TRPM5: variants seen among roughly 807,000 people sequenced by gnomAD.
TRPM5 encodes transient receptor potential cation channel subfamily M member 5.
TRPM5 carries 121 observed loss-of-function variants against 124.9 expected under a neutral mutation model. That is an observed-to-expected ratio of 0.97 (90% CI 0.84 to 1.13). TRPM5 has a LOEUF of 1.13. Ranked by LOEUF, TRPM5 falls within the 50% of genes most tolerant of loss-of-function variation. The pLI is 0.00. For missense variants in TRPM5, 1,643 were observed against 1,589.1 expected (o/e 1.03, Z -0.58); for synonymous variants, 781 against 700.5 (o/e 1.11, Z -1.81).
exon 6 of TRPM5, chr11:2,418,209 G>T (rs752349304): frequency 1.3e-6 from 2 of 1,584,626 alleles, no homozygotes; most frequent in East Asian, 2.3e-5. Flanking sequence ...AGAAATGCTT[G>T]CTGGGGAACT....
At chr11:2,417,032 T>A (rs1845697407) in intron 7 of TRPM5, among the ~76,000 whole-genome samples, 1 of 152,012 alleles carries the variant, frequency 6.6e-6, no homozygotes, top group African/African-American at 2.4e-5. Context: ...AGGAAGCAGA[T>A]CGATGGTTCC....
intron 23 of TRPM5, 49 bp downstream of exon 28, chr11:2,405,478 A>G (rs1255536950): frequency 6.6e-7 from 1 of 1,515,788 alleles, no homozygotes; most frequent in East Asian, 2.5e-5. Context: ...GCCGCTGCAG[A>G]GTGGGTGCCC....
chr11:2,417,899 A>G, intron 6 of TRPM5, 70 bp from the exon 12 acceptor site: 1 of 1,406,718 alleles, frequency 7.1e-7, no homozygotes, highest in Non-Finnish European at 9.8e-7. Flanking sequence ...GCCGTGGTAG[A>G]CACCAGCGTA....
chr11:2,439,816 C>A, the TRPM5 span, among the ~76,000 whole-genome samples: 1 of 152,176 alleles, frequency 6.6e-6, no homozygotes, highest in Non-Finnish European at 1.5e-5. Flanking sequence ...CCCAGCAATT[C>A]CATTAATTCC....
Position 2,412,160 on chromosome 11 carries a change from G to GTGTGACATGGT in TRPM5, c.2448_2449insACCATGTCACA (p.Leu817ThrfsTer37). 1.2e-6 allele frequency: 2 copies of GTGTGACATGGT among 1,613,536 alleles called. No homozygotes were observed. The highest frequency in any genetic ancestry group is 1.1e-5 in the South Asian group (1 of 91,092). On this transcript the variant is annotated frameshift_variant, in exon 16 of 24. Coordinates refer to ENST00000155858, the Ensembl canonical transcript of TRPM5. LOFTEE classifies it high-confidence loss of function. ...CTGCAGGTGACACCCACGATGAACAGGAAGATGGCCACCATGTCACACTTG... is the reference window on the plus strand; with the variant it reads ...CTGCAGGTGACACCCACGATGAACAGTGTGACATGGTGAAGATGGCCACCATGTCACACTTG...
intron 1 of TRPM5, 53 bp from the exon 7 acceptor site, chr11:2,422,374 G>A: frequency 6.6e-7 from 1 of 1,504,648 alleles, no homozygotes; most frequent in Non-Finnish European, 9.0e-7. Context: ...CATGGGAGCT[G>A]CTGGGCATTG....
At chr11:2,423,835 G>A (rs865797262), upstream of TRPM5, among the ~76,000 whole-genome samples, 8 of 152,138 alleles carry the variant, frequency 5.3e-5, no homozygotes, top group African/African-American at 9.7e-5. Context: ...GCCCCTCAGC[G>A]CCCTGGCTCC....
intron 17 of TRPM5, 38 bp from the exon 23 acceptor site, chr11:2,411,564 C>G: frequency 6.2e-7 from 1 of 1,607,696 alleles, no homozygotes; most frequent in South Asian, 1.1e-5. Flanking sequence ...ACGTCAGCGG[C>G]CAGCCGGGTG....
the TRPM5 span, among the ~76,000 whole-genome samples, chr11:2,441,086 G>A: frequency 6.6e-6 from 1 of 152,204 alleles, no homozygotes; most frequent in African/African-American, 2.4e-5. This position sits in a 1 kb window ranked among gnomAD's most constrained non-coding sequence, Gnocchi z 7.2. Flanking sequence ...GAGGCTCTGG[G>A]ACAGCCTGAG....
chr11:2,421,459 G>T (rs1052612325), intron 2 of TRPM5, among the ~76,000 whole-genome samples: 1 of 152,158 alleles, frequency 6.6e-6, no homozygotes, highest in Non-Finnish European at 1.5e-5. Context: ...CACAAACTGG[G>T]GTCCAGTCCC....
At chr11:2,441,472 G>A in the TRPM5 span, among the ~76,000 whole-genome samples, 3 of 150,998 alleles carry the variant, frequency 2.0e-5, no homozygotes, top group East Asian at 2.0e-4. The surrounding 1 kb of genome is among the most constrained non-coding windows in gnomAD (Gnocchi z 7.2). Flanking sequence ...CCTCACCTGC[G>A]CACCTGGCCT....
chr11:2,407,905 A>C (rs1444264874), exon 19 of TRPM5: 9 of 1,613,310 alleles, frequency 5.6e-6, no homozygotes, highest in African/African-American at 1.3e-5. Flanking sequence ...AGCAGTTCAC[A>C]CGGGCTTCTG....
At chr11:2,411,100 C>T (rs1170626844) in intron 18 of TRPM5, among the ~76,000 whole-genome samples, 1 of 152,146 alleles carries the variant, frequency 6.6e-6, no homozygotes. Context: ...CCTTGTGTCT[C>T]CTTCCCAGCC....
chr11:2,437,251 C>T, the TRPM5 span, among the ~76,000 whole-genome samples: 2 of 152,332 alleles, frequency 1.3e-5, no homozygotes, highest in Admixed American at 6.5e-5. This position sits in a 1 kb window ranked among gnomAD's most constrained non-coding sequence, Gnocchi z 5.6. Context: ...CCCAGCTTGT[C>T]GTCTTGGAAG....
chr11:2,422,190 C>T lies in TRPM5; in HGVS notation c.249G>A (p.Trp83Ter). 6.2e-7 allele frequency: 1 copy of T among 1,612,234 alleles called. No homozygotes were observed. Among genetic ancestry groups the T allele is most frequent in the Non-Finnish European group, 8.5e-7 (1 of 1,179,650 alleles). The change falls in exon 2 of 24, where the codon TGG becomes TGA. Residue 83 changes from tryptophan (W) to a stop codon, truncating the protein, a stop_gained. Coordinates refer to ENST00000155858, the Ensembl canonical transcript of TRPM5. LOFTEE classifies it high-confidence loss of function. ...GCCCCTTGCGCAGCACATCCCGCAG[C>T]CAGGACTTCATGGCGAAAGGCTGCT...
At chr11:2,415,564 G>T in intron 8 of TRPM5, 93 bp from the exon 14 acceptor site, 1 of 895,154 alleles carries the variant, frequency 1.1e-6, no homozygotes, top group Non-Finnish European at 1.7e-6. Context: ...CAGGGAGCAT[G>T]GGGATCCATC....
At chr11:2,412,151 C>T (rs780650279) in exon 16 of TRPM5, 7 of 1,613,390 alleles carry the variant, frequency 4.3e-6, no homozygotes, top group East Asian at 4.5e-5. Context: ...GTGACACCCA[C>T]GATGAACAGG....
In TRPM5 at chr11:2,421,990, G is replaced by A. The variant is rs1057428310; in HGVS notation, c.298+151C>T. On this transcript the variant is annotated intron_variant, in intron 2 of 23. Coordinates refer to ENST00000155858, the Ensembl canonical transcript of TRPM5. ...AGGGGGTCTGGCTGCCGTGTGGGGT[G>A]GGAGCATTGCCTGTGCCGGGTGGGG... The A allele has an allele frequency of 9.7e-6, 7 of 719,710 alleles. No homozygotes were observed. The Admixed American group carries it at 1.2e-4, about 13-fold the overall frequency. The allele number at this position is 719,710 out of a possible 1,614,324, so 44.6% of individuals were successfully genotyped here. A position where few individuals can be genotyped will look rare whatever the true frequency, so the allele number is the denominator to read the frequency against.
chr11:2,415,141 G>A lies in TRPM5; in HGVS notation c.1459C>T (p.Pro487Ser), dbSNP rs1267156549. ...CTCACCGCCCTCCTGCGGTCCCCTGGCCGGCCGTCCTGGTAGAAGCCTCGG... is the reference window on the plus strand; with the variant it reads ...CTCACCGCCCTCCTGCGGTCCCCTGACCGGCCGTCCTGGTAGAAGCCTCGG... The change falls in exon 9 of 24, where the codon CCA becomes TCA. Residue 487 changes from proline (P) to serine (S), a missense_variant. By Grantham distance (74) the Pro-to-Ser change is moderately conservative. Transcript: ENST00000155858. The A allele has an allele frequency of 6.4e-6, 10 of 1,570,520 alleles. No individual in the cohort carries two copies. In the African/African-American group the frequency reaches 6.8e-5, roughly 11 times the overall value.
Sources: allele counts gnomAD v4.1 joint callset (sites outside exome capture counted in the v4.1 genomes callset), GRCh38; gene constraint gnomAD v4.1.1; non-coding constraint Gnocchi (gnomAD v3.1); transcripts MANE v1.5; gene names NCBI Gene and HGNC (gene_info 2026-07-23, HGNC 2026-07-21).